SMYD1: variants seen among roughly 807,000 people sequenced by gnomAD.
The protein encoded by SMYD1 is SET and MYND domain containing 1.
A neutral mutation model predicts 54.0 loss-of-function variants in SMYD1; 49 were observed. The observed-to-expected ratio is 0.91, with a 90% CI of 0.72 to 1.15. SMYD1 has a LOEUF of 1.15. Ranked by LOEUF, SMYD1 falls within the 50% of genes most tolerant of loss-of-function variation. The pLI is 0.00. For synonymous variants in SMYD1, 269 were observed against 234.2 expected (o/e 1.15, Z -1.36); for missense variants, 653 against 639.6 (o/e 1.02, Z -0.23).
At position 88,110,921 on chromosome 2, in the gene SMYD1, A is replaced by G. The variant is rs147434831; in HGVS notation, c.*409A>G. The G allele has an allele frequency of 2.9e-3, 479 of 162,744 alleles. 5 individuals carry two copies. Among genetic ancestry groups the G allele is most frequent in the African/African-American group, 0.01 (432 of 41,722 alleles). The allele number at this position is 162,744 out of a possible 1,614,324, so 10.1% of individuals were successfully genotyped here. ...TGTGTGTGTGTGCAGTGGGGGTATC[A>G]CAGAGAGTATGACATCTGAGTTGAG... On this transcript the variant is annotated 3_prime_UTR_variant, in exon 10 of 10. Coordinates refer to ENST00000419482, the MANE Select transcript of SMYD1 (RefSeq NM_198274.4).
chr2:88,088,706 C>T (rs1674396350), intron 3 of SMYD1, among the ~76,000 whole-genome samples: 1 of 152,190 alleles, frequency 6.6e-6, no homozygotes, highest in Admixed American at 6.5e-5. Context: ...AATCACTATC[C>T]CTTCCTGCCC....
intron 9 of SMYD1, among the ~76,000 whole-genome samples, chr2:88,109,175 A>G (rs1674952978): frequency 6.6e-6 from 1 of 152,208 alleles, no homozygotes; most frequent in East Asian, 1.9e-4. Context: ...ATAGCGAGCT[A>G]ATGGCAAAGC....
rs1440834284 is a variant in SMYD1, at chr2:88,111,748, C to T, written c.*1236C>T. On this transcript the variant is annotated 3_prime_UTR_variant, in exon 10 of 10. Coordinates refer to ENST00000419482, the MANE Select transcript of SMYD1 (RefSeq NM_198274.4). ...ATGAGGGTCTTGAGAATCAACCAGT[C>T]CCAAGATTAGCCTGTTATCCTGTTA... The T allele has an allele frequency of 7.9e-6, 2 of 252,464 alleles. No individual in the cohort carries two copies. Among genetic ancestry groups the T allele is most frequent in the African/African-American group, 4.3e-5 (2 of 46,058 alleles). 15.6% of individuals were successfully genotyped at this position (252,464 alleles called of 1,614,324 possible).
intron 3 of SMYD1, 113 bp downstream of exon 3, chr2:88,088,188 G>A: frequency 8.5e-7 from 1 of 1,177,668 alleles, no homozygotes; most frequent in Non-Finnish European, 1.2e-6. Flanking sequence ...CAGAAGCCCT[G>A]TCTGCCCTGG....
rs1674417911 is a variant in SMYD1, at chr2:88,089,591, T to TTG, written c.529-1420_529-1419insGT. Among the ~76,000 whole-genome samples the TTG allele has an allele frequency of 2.8e-5, 4 of 143,076 alleles. 1 individual carries two copies. The South Asian group carries it at 9.7e-4, about 35-fold the overall frequency. 93.9% of individuals were successfully genotyped at this position (143,076 alleles called of 152,430 possible). On this transcript the variant is annotated intron_variant, in intron 3 of 9. Coordinates refer to ENST00000419482, the MANE Select transcript of SMYD1 (RefSeq NM_198274.4). Reference sequence around the variant, plus strand: ...GGAGCCAGAGCTTCTACCTGTTTTTTTTTTTTTTTTTTTTTTTTGAGATGA... The same window carrying TTG: ...GGAGCCAGAGCTTCTACCTGTTTTTTTGTTTTTTTTTTTTTTTTTTGAGATGA...
Position 88,091,085 on chromosome 2 carries a change from T to A in SMYD1, c.602T>A (p.Leu201Gln). 1.9e-6 allele frequency: 3 copies of A among 1,614,188 alleles called. No individual in the cohort carries two copies. The highest frequency in any genetic ancestry group is 2.5e-6 in the Non-Finnish European group (3 of 1,180,016). The change falls in exon 4 of 10, where the codon CTG (leucine) becomes CAG (glutamine). Residue 201 changes from leucine to glutamine, a missense_variant. Coordinates refer to ENST00000419482, the MANE Select transcript of SMYD1 (RefSeq NM_198274.4). ...GTGGGCGTAGGCATCTTCCCCAACC[T>A]GGGCCTGGTGAACCATGACTGTTGG... ...QAVGVGIFPN[L>Q]GLVNHDCWPN...
chr2:88,110,392 C>T lies in SMYD1; in HGVS notation c.1353C>T (p.Phe451=), dbSNP rs754399702. 1.2e-6 allele frequency: 2 copies of T among 1,612,920 alleles called. No individual in the cohort carries two copies. The highest frequency in any genetic ancestry group is 1.1e-5 in the South Asian group (1 of 90,614). The change falls in exon 10 of 10, where the codon TTC becomes TTT. Residue 451 remains phenylalanine, a synonymous_variant. Coordinates refer to ENST00000419482, the MANE Select transcript of SMYD1 (RefSeq NM_198274.4). ...AGACGGAGATGGAGCTACGCATGTT[C>T]CGCCAGAACGAATTCATGTACTACA... ...RVQTEMELRM[F]RQNEFMYYKM...
chr2:88,092,853 T>C (rs1674493701), intron 4 of SMYD1, among the ~76,000 whole-genome samples: 1 of 152,236 alleles, frequency 6.6e-6, no homozygotes, highest in Admixed American at 6.5e-5. Flanking sequence ...CTCTTGTCAT[T>C]GGGTGTAACA....
intron 7 of SMYD1, among the ~76,000 whole-genome samples, chr2:88,105,493 T>A (rs1009999840): frequency 2.6e-5 from 4 of 152,202 alleles, no homozygotes; most frequent in Non-Finnish European, 4.4e-5. Flanking sequence ...TATTTTTGCG[T>A]ACAACCTATG....
intron 1 of SMYD1, among the ~76,000 whole-genome samples, chr2:88,073,725 C>A (rs1281437177): frequency 6.6e-6 from 1 of 152,216 alleles, no homozygotes; most frequent in Non-Finnish European, 1.5e-5. Context: ...GTTGTCTCCT[C>A]ATCCCAATAC....
Position 88,106,417 on chromosome 2 carries a change from G to A in SMYD1, c.1074G>A (p.Ser358=), listed in dbSNP as rs754192860. 147 of 1,614,004 alleles carry A rather than the reference G, an allele frequency of 9.1e-5. No homozygotes were observed. The highest frequency in any genetic ancestry group is 1.1e-4 in the South Asian group (10 of 91,078). ...TGCTGCGGATGCTGAGCATTGTTTC[G>A]GAGGTCCTTTCCTACCTCCAGGCCT... is the stretch of plus-strand genomic sequence containing the variant. ...IYMLRMLSIV[S]EVLSYLQAFE... is the part of the protein sequence containing the mutation. Residue 358 remains serine (S), a synonymous_variant, in exon 8 of 10, where the codon TCG becomes TCA. Transcript: ENST00000419482.
chr2:88,082,316 G>T (rs894957669), intron 1 of SMYD1, among the ~76,000 whole-genome samples: 1 of 152,160 alleles, frequency 6.6e-6, no homozygotes, highest in Non-Finnish European at 1.5e-5. Context: ...AAACTTTCAC[G>T]CCCTCAAGTA....
chr2:88,101,438 C>T (rs1353127548), intron 6 of SMYD1, among the ~76,000 whole-genome samples: 3 of 152,066 alleles, frequency 2.0e-5, no homozygotes, highest in Non-Finnish European at 4.4e-5. Context: ...TGAAAAAATG[C>T]TATAGACAGA....
chr2:88,110,070 C>T (rs1389168002), intron 9 of SMYD1, among the ~76,000 whole-genome samples: 1 of 152,138 alleles, frequency 6.6e-6, no homozygotes, highest in African/African-American at 2.4e-5. Context: ...AATCCAGGTC[C>T]CCACTGGGCA....
At position 88,091,136 on chromosome 2, in the gene SMYD1, A is replaced by G; in HGVS notation, c.653A>G (p.Asn218Ser). 3.1e-6 allele frequency: 5 copies of G among 1,613,894 alleles called. No individual in the cohort carries two copies. The highest frequency in any genetic ancestry group is 4.2e-6 in the Non-Finnish European group (5 of 1,179,834). The change falls in exon 4 of 10, where the codon AAT (asparagine) becomes AGT (serine). Residue 218 changes from asparagine (N) to serine (S), a missense_variant. By Grantham distance (46) the Asn-to-Ser change is conservative. Transcript: ENST00000419482. Reference protein sequence around the residue: ...CWPNCTVIFNNGNHEAVKSMF... With the variant: ...CWPNCTVIFNSGNHEAVKSMF... Reference sequence around the variant, plus strand: ...CCCAACTGTACTGTCATATTTAACAATGGCAAGTGAGTATGTCTTTATGTG... The same window carrying G: ...CCCAACTGTACTGTCATATTTAACAGTGGCAAGTGAGTATGTCTTTATGTG...
chr2:88,074,576 C>T (rs1285203561), intron 1 of SMYD1, among the ~76,000 whole-genome samples: 1 of 152,108 alleles, frequency 6.6e-6, no homozygotes, highest in South Asian at 2.1e-4. Context: ...TTCAGTCTAC[C>T]CCAACGAAAA....
intron 1 of SMYD1, among the ~76,000 whole-genome samples, chr2:88,079,329 T>C (rs1372322157): frequency 1.3e-5 from 2 of 152,220 alleles, no homozygotes; most frequent in Non-Finnish European, 2.9e-5. Flanking sequence ...TAATAGCAGA[T>C]AGATTATTCT....
rs1414357269 is a variant in SMYD1, at chr2:88,091,121, C to T, written c.638C>T (p.Thr213Ile). The T allele has an allele frequency of 1.9e-6, 3 of 1,614,118 alleles. No individual in the cohort carries two copies. Among genetic ancestry groups the T allele is most frequent in the Non-Finnish European group, 1.7e-6 (2 of 1,179,978 alleles). ...AACCATGACTGTTGGCCCAACTGTA[C>T]TGTCATATTTAACAATGGCAAGTGA... is the stretch of plus-strand genomic sequence containing the variant. Reference protein sequence around the residue: ...LVNHDCWPNCTVIFNNGNHEA... With the variant: ...LVNHDCWPNCIVIFNNGNHEA... The change falls in exon 4 of 10, where the codon ACT becomes ATT. Residue 213 changes from threonine to isoleucine, a missense_variant. Thr to Ile is a moderately conservative substitution (Grantham distance 89). Transcript: ENST00000419482.
chr2:88,103,903 G>A (rs73947539), intron 7 of SMYD1, among the ~76,000 whole-genome samples: 8,067 of 151,854 alleles, frequency 0.053, 704 homozygotes, highest in African/African-American at 0.18. Context: ...TAAGCAACTC[G>A]AATGTTAATG....
Sources: allele counts gnomAD v4.1 joint callset (sites outside exome capture counted in the v4.1 genomes callset), GRCh38; gene constraint gnomAD v4.1.1; transcripts MANE v1.5; gene names NCBI Gene and HGNC (gene_info 2026-07-23, HGNC 2026-07-21).